DZIP3: variants seen among roughly 807,000 people sequenced by gnomAD.
DZIP3 encodes the protein DAZ interacting zinc finger protein 3.
A neutral mutation model predicts 162.0 loss-of-function variants in DZIP3; 118 were observed. The ratio of observed to expected loss-of-function variants is 0.73; its 90% CI spans 0.63 to 0.85. The LOEUF is 0.85. DZIP3 is among the 40% of genes least tolerant of loss of function. The pLI is 0.00. For missense variants in DZIP3, 1,331 were observed against 1,407.0 expected (o/e 0.95, Z 0.86); for synonymous variants, 438 against 458.6 (o/e 0.96, Z 0.57).
intron 1 of DZIP3, among the ~76,000 whole-genome samples, chr3:108,601,579 G>T (rs1940021629): frequency 6.6e-6 from 1 of 152,150 alleles, no homozygotes; most frequent in African/African-American, 2.4e-5. Context: ...TGTATAATCT[G>T]TAAGTGCTAG....
At chr3:108,635,283 A>C in intron 10 of DZIP3, 2 of 224,830 alleles carry the variant, frequency 8.9e-6, no homozygotes, top group Non-Finnish European at 1.8e-5. Context: ...ACTCTTAAGA[A>C]TAGAAATATT....
chr3:108,628,232 C>T (rs2107579376), intron 7 of DZIP3, among the ~76,000 whole-genome samples: 1 of 152,270 alleles, frequency 6.6e-6, no homozygotes, highest in East Asian at 1.9e-4. Flanking sequence ...TGCGTCTCAG[C>T]TGATATTTTT....
chr3:108,649,164 G>A (rs1037049248), intron 17 of DZIP3, among the ~76,000 whole-genome samples: 1 of 151,632 alleles, frequency 6.6e-6, no homozygotes, highest in African/African-American at 2.4e-5. Flanking sequence ...CATACTTCAC[G>A]TCCTTAAATT....
intron 4 of DZIP3, among the ~76,000 whole-genome samples, 165 bp from the exon 5 acceptor site, chr3:108,616,364 TTAAAAGCAAACA>T (rs1339879951): frequency 6.6e-6 from 1 of 151,496 alleles, no homozygotes; most frequent in Non-Finnish European, 1.5e-5. Context: ...ATCGGACTAC[TTAAAAGCAAACA>T]TATGAGAACA....
chr3:108,661,041 T>G (rs901575046), intron 19 of DZIP3, among the ~76,000 whole-genome samples: 4 of 152,238 alleles, frequency 2.6e-5, no homozygotes, highest in African/African-American at 9.6e-5. Flanking sequence ...TTGGTGGGAC[T>G]GTAAACTAGG....
At chr3:108,656,491 T>A (rs1227230443) in intron 19 of DZIP3, among the ~76,000 whole-genome samples, 1 of 152,134 alleles carries the variant, frequency 6.6e-6, no homozygotes, top group Non-Finnish European at 1.5e-5. Context: ...AAACCCCATC[T>A]GTACGTCATC....
Position 108,654,303 on chromosome 3 carries a change from T to C in DZIP3, c.2192T>C (p.Ile731Thr). The C allele has an allele frequency of 6.2e-7, 1 of 1,613,640 alleles. No homozygotes were observed. Among genetic ancestry groups the C allele is most frequent in the Non-Finnish European group, 8.5e-7 (1 of 1,179,620 alleles). ...SLDELHILDMIEQGSAGKVTT... is the reference protein window; with the variant it reads ...SLDELHILDMTEQGSAGKVTT... ...GATGAATTGCATATTCTGGACATGA[T>C]AGAGCAGGTAAGCATGATTAGAGAG... Residue 731 changes from isoleucine (I) to threonine (T), a missense_variant, in exon 19 of 33, where the codon ATA becomes ACA. Transcript: ENST00000361582.
Position 108,611,333 on chromosome 3 carries a change from A to G in DZIP3, c.258+4A>G, listed in dbSNP as rs768877447. The G allele has an allele frequency of 6.2e-7, 1 of 1,610,910 alleles. No individual in the cohort carries two copies. Among genetic ancestry groups the G allele is most frequent in the East Asian group, 2.2e-5 (1 of 44,742 alleles). On this transcript the variant is annotated splice_donor_region_variant and intron_variant, in intron 4 of 32. Transcript: ENST00000361582. ...TTTTTCCTTCCAAACTATGCAGGTA[A>G]CGTCATAAGTTGTTATTTGGGGCAG...
chr3:108,655,857 C>T (rs1272906511), intron 19 of DZIP3, among the ~76,000 whole-genome samples: 1 of 152,212 alleles, frequency 6.6e-6, no homozygotes, highest in African/African-American at 2.4e-5. Flanking sequence ...ATATCCCATG[C>T]CTGGCTTGGA....
At chr3:108,601,295 C>T (rs1424506102) in intron 1 of DZIP3, among the ~76,000 whole-genome samples, 7 of 152,056 alleles carry the variant, frequency 4.6e-5, no homozygotes, top group African/African-American at 7.2e-5. Flanking sequence ...GGAGCTGCCT[C>T]TGGCATCTGG....
At chr3:108,594,115 CTT>C (rs946249056) in intron 1 of DZIP3, among the ~76,000 whole-genome samples, 49 of 152,072 alleles carry the variant, frequency 3.2e-4, no homozygotes, top group African/African-American at 1.2e-3. Context: ...CTCTTAATCT[CTT>C]AGTAGTTTTA....
At chr3:108,672,011 C>G (rs1054257017) in intron 22 of DZIP3, among the ~76,000 whole-genome samples, 6 of 151,932 alleles carry the variant, frequency 3.9e-5, no homozygotes, top group African/African-American at 1.4e-4. Flanking sequence ...ATCAAGGTAG[C>G]AGCCTATTTG....
At chr3:108,622,142 G>A (rs919007878) in intron 5 of DZIP3, among the ~76,000 whole-genome samples, 3 of 152,102 alleles carry the variant, frequency 2.0e-5, no homozygotes, top group African/African-American at 7.2e-5. Flanking sequence ...GACAAACTTT[G>A]CATGTTCTCA....
At chr3:108,672,496 G>A (rs895560692) in intron 22 of DZIP3, 64 bp from the exon 23 acceptor site, 2 of 1,321,596 alleles carry the variant, frequency 1.5e-6, no homozygotes, top group Admixed American at 1.8e-5. Flanking sequence ...TCTTCCTCCT[G>A]AATTAGATGA....
rs186621270 is a variant in DZIP3, at chr3:108,633,663, A to G, written c.816+591A>G. On this transcript the variant is annotated intron_variant, in intron 9 of 32. Transcript: ENST00000361582. ...CTGATAGATCTCTCTCTCTGGATCT[A>G]TCAGAGTACTTCTGATAGATCTCTC... 5.3e-3 allele frequency among the ~76,000 whole-genome samples: 783 copies of G among 147,054 alleles called. 1 individual carries two copies. The highest frequency in any genetic ancestry group is 0.018 in the Middle Eastern group (5 of 278).
intron 2 of DZIP3, 91 bp from the exon 3 acceptor site, chr3:108,607,998 A>G: frequency 8.8e-7 from 1 of 1,135,116 alleles, no homozygotes; most frequent in Non-Finnish European, 1.3e-6. Context: ...ACACTTTCAG[A>G]CAATAATTCA....
intron 8 of DZIP3, among the ~76,000 whole-genome samples, chr3:108,630,781 A>G (rs1380818096): frequency 6.6e-6 from 1 of 151,868 alleles, no homozygotes; most frequent in East Asian, 1.9e-4. Flanking sequence ...ATATATATAT[A>G]TTCAGTTTGT....
At chr3:108,648,175 G>T in intron 16 of DZIP3, 63 bp downstream of exon 16, 1 of 1,448,306 alleles carries the variant, frequency 6.9e-7, no homozygotes, top group Non-Finnish European at 9.2e-7. Flanking sequence ...TTTGTTGCAT[G>T]TGCTGTACTT....
At chr3:108,631,045 ACACACACACACT>A (rs1271067339) in intron 8 of DZIP3, among the ~76,000 whole-genome samples, 8 of 81,856 alleles carry the variant, frequency 9.8e-5, no homozygotes, top group Admixed American at 2.8e-4. Flanking sequence ...ACACACACAC[ACACACACACACT>A]CTCTCTCTCT....
Sources: allele counts gnomAD v4.1 joint callset (sites outside exome capture counted in the v4.1 genomes callset), GRCh38; gene constraint gnomAD v4.1.1; transcripts MANE v1.5; gene names NCBI Gene and HGNC (gene_info 2026-07-23, HGNC 2026-07-21).